The following DOCK9 variants were observed in gnomAD, a reference collection of about 807,000 sequenced individuals.
DOCK9 encodes dedicator of cytokinesis 9, also known as dedicator of cytokinesis protein 9.
In DOCK9, 89 loss-of-function variants were observed where a neutral mutation model predicts 263.3. That is an observed-to-expected ratio of 0.34 (90% CI 0.28 to 0.40). The LOEUF is 0.40. Among genes scored for constraint, DOCK9 ranks in the 10% least tolerant of loss-of-function variants. The pLI is 1.00. For missense variants in DOCK9, 2,140 were observed against 2,603.4 expected, an observed-to-expected ratio of 0.82 and a Z score of 3.87; for synonymous variants, 976 against 973.1, an observed-to-expected ratio of 1.00 and a Z score of -0.06.
At chr13:99,036,386 T>A (rs562988190) in intron 1 of DOCK9, among the ~76,000 whole-genome samples, 147 of 152,288 alleles carry the variant, frequency 9.7e-4, no homozygotes, top group African/African-American at 3.3e-3. Flanking sequence ...GCTCTCTGTC[T>A]GCTATGTGAG....
intron 2 of DOCK9, among the ~76,000 whole-genome samples, chr13:98,950,904 T>C (rs1187060277): frequency 6.6e-6 from 1 of 152,176 alleles, no homozygotes; most frequent in Non-Finnish European, 1.5e-5. Flanking sequence ...TGAAGAAGAA[T>C]CGTCATTGGA....
chr13:98,837,694 T>A, intron 38 of DOCK9, 85 bp from the exon 39 acceptor site: 1 of 673,234 alleles, frequency 1.5e-6, no homozygotes. Flanking sequence ...CAACTTTTGA[T>A]TATTCAGAAG....
At chr13:99,008,186 CT>C in intron 1 of DOCK9, among the ~76,000 whole-genome samples, 1 of 30,308 alleles carries the variant, frequency 3.3e-5, no homozygotes, top group Non-Finnish European at 7.3e-5. Context: ...ATTGTGCAGC[CT>C]CTCTCTCTCT....
intron 9 of DOCK9, among the ~76,000 whole-genome samples, chr13:98,910,536 T>C (rs182760599): frequency 3.5e-4 from 54 of 152,332 alleles, no homozygotes; most frequent in African/African-American, 1.3e-3. Context: ...TTCCATAATA[T>C]TCCAGAATGA....
At chr13:98,869,311 A>G (rs1357347055) in intron 27 of DOCK9, among the ~76,000 whole-genome samples, 1 of 152,196 alleles carries the variant, frequency 6.6e-6, no homozygotes, top group Non-Finnish European at 1.5e-5. Flanking sequence ...GTACTTTTTC[A>G]TTCAATTCTT....
chr13:99,058,046 A>C (rs889972726), intron 1 of DOCK9, among the ~76,000 whole-genome samples: 7 of 152,054 alleles, frequency 4.6e-5, no homozygotes, highest in African/African-American at 1.7e-4. Flanking sequence ...TTTATACAAT[A>C]TCTCTCTCAA....
At chr13:99,003,676 T>A (rs1882804132) in intron 1 of DOCK9, among the ~76,000 whole-genome samples, 1 of 151,900 alleles carries the variant, frequency 6.6e-6, no homozygotes, top group African/African-American at 2.4e-5. Flanking sequence ...CTTATTTAAC[T>A]GCCAAATCTC....
At chr13:98,910,459 C>G (rs2049821554) in intron 9 of DOCK9, among the ~76,000 whole-genome samples, 1 of 152,158 alleles carries the variant, frequency 6.6e-6, no homozygotes, top group Non-Finnish European at 1.5e-5. Context: ...CAAACATAAG[C>G]TCCAAGATTA....
intron 2 of DOCK9, among the ~76,000 whole-genome samples, chr13:98,942,242 T>TG (rs2056031228): frequency 6.7e-6 from 1 of 149,604 alleles, no homozygotes; most frequent in Non-Finnish European, 1.5e-5. Context: ...GTTGTTTTTT[T>TG]TTTTTGTTTT....
chr13:99,058,508 C>G (rs1207973859), intron 1 of DOCK9, among the ~76,000 whole-genome samples: 1 of 152,110 alleles, frequency 6.6e-6, no homozygotes, highest in Non-Finnish European at 1.5e-5. Flanking sequence ...GGCCACAGAG[C>G]ACAGTGAAGA....
intron 1 of DOCK9, among the ~76,000 whole-genome samples, chr13:98,985,087 T>TG (rs1309975108): frequency 1.7e-3 from 6 of 3,636 alleles, no homozygotes; most frequent in Non-Finnish European, 3.1e-3. Flanking sequence ...GGTGGGCAGT[T>TG]GGGGGGGTGG....
intron 9 of DOCK9, 49 bp from the exon 10 acceptor site, chr13:98,904,755 C>T (rs762859914): frequency 9.5e-6 from 14 of 1,469,094 alleles, no homozygotes; most frequent in Non-Finnish European, 1.3e-5. Flanking sequence ...CCTTTTCTTG[C>T]AAAGGTGCCC....
chr13:99,026,089 A>C (rs1301571987), intron 1 of DOCK9, among the ~76,000 whole-genome samples: 2 of 53,270 alleles, frequency 3.8e-5, no homozygotes, highest in Non-Finnish European at 8.9e-5. Flanking sequence ...AAAAAAAAAA[A>C]AAAAAAAAAA....
chr13:99,022,377 T>C (rs1192271630), intron 1 of DOCK9, among the ~76,000 whole-genome samples: 1 of 152,234 alleles, frequency 6.6e-6, no homozygotes. Context: ...AATAGTGTTA[T>C]TTAAATGTTC....
intron 19 of DOCK9, 140 bp from the exon 20 acceptor site, chr13:98,885,971 C>A: frequency 1.4e-6 from 1 of 714,832 alleles, no homozygotes; most frequent in East Asian, 3.1e-5. Flanking sequence ...CTCAAAGATA[C>A]TGAGACTATA....
intron 43 of DOCK9, among the ~76,000 whole-genome samples, chr13:98,827,406 A>C (rs2092584685): frequency 6.6e-6 from 1 of 152,278 alleles, no homozygotes; most frequent in Admixed American, 6.5e-5. Flanking sequence ...ACGTATCTTA[A>C]ATTGAAAGAA....
At chr13:98,925,526 T>A (rs1480828427) in intron 4 of DOCK9, among the ~76,000 whole-genome samples, 3 of 152,212 alleles carry the variant, frequency 2.0e-5, no homozygotes, top group Non-Finnish European at 4.4e-5. Context: ...CATATTTCAG[T>A]ACACTTACGT....
intron 1 of DOCK9, among the ~76,000 whole-genome samples, chr13:98,984,087 TA>T (rs1005373289): frequency 1.3e-5 from 2 of 152,152 alleles, no homozygotes; most frequent in African/African-American, 2.4e-5. Flanking sequence ...GTGAGTTTCC[TA>T]AAGAAAGGCC....
intron 2 of DOCK9, among the ~76,000 whole-genome samples, chr13:98,933,593 C>T (rs1330908531): frequency 1.3e-5 from 2 of 152,176 alleles, no homozygotes; most frequent in Admixed American, 6.5e-5. Context: ...CTTTTTCTCC[C>T]CCAGAGACTT....
Sources: allele counts gnomAD v4.1 joint callset (sites outside exome capture counted in the v4.1 genomes callset), GRCh38; gene constraint gnomAD v4.1.1; transcripts MANE v1.5; gene names NCBI Gene and HGNC (gene_info 2026-07-23, HGNC 2026-07-21).